The following CUX1 variants were observed in gnomAD, a reference collection of about 807,000 sequenced individuals.
CUX1 encodes the protein protein CASP.
CUX1 carries 31 observed loss-of-function variants against 158.8 expected under a neutral mutation model. The ratio of observed to expected loss-of-function variants is 0.20; its 90% confidence interval spans 0.15 to 0.26. CUX1 has a LOEUF of 0.26. CUX1 is among the 10% of genes least tolerant of loss of function. The pLI is 1.00. For synonymous variants in CUX1, 879 were observed against 862.1 expected, an observed-to-expected ratio of 1.02 and a Z score of -0.34; for missense variants, 1,589 against 2,014.6, an observed-to-expected ratio of 0.79 and a Z score of 4.04.
intron 1 of CUX1, among the ~76,000 whole-genome samples, chr7:101,881,483 G>A (rs557478161): frequency 9.9e-5 from 15 of 152,150 alleles, no homozygotes; most frequent in Non-Finnish European, 1.9e-4. Context: ...ATTCCTCCTC[G>A]CTGGCTCAGG....
chr7:102,112,755 G>A (rs1831067844), intron 7 of CUX1, among the ~76,000 whole-genome samples: 1 of 151,952 alleles, frequency 6.6e-6, no homozygotes. Context: ...GTTTTTAGTA[G>A]AGATGAGGTT....
At chr7:102,239,147 A>G (rs1355546003) in intron 22 of CUX1, among the ~76,000 whole-genome samples, 173 bp from the exon 23 acceptor site, 1 of 152,184 alleles carries the variant, frequency 6.6e-6, no homozygotes, top group Non-Finnish European at 1.5e-5. Flanking sequence ...TCGGCCTCCC[A>G]AAGTGCTTGG....
intron 7 of CUX1, 22 bp from the exon 8 acceptor site, chr7:102,115,181 ATAGT>A (rs1399924431): frequency 4.4e-6 from 7 of 1,596,502 alleles, no homozygotes; most frequent in East Asian, 2.2e-5. Flanking sequence ...TTTCATTTAA[ATAGT>A]TAGTAATTCT....
chr7:102,259,499 A>T (rs1271193335), downstream of CUX1, among the ~76,000 whole-genome samples: 1 of 151,936 alleles, frequency 6.6e-6, no homozygotes. Flanking sequence ...GAGGCAGGAG[A>T]ATTGCTTGAA....
At chr7:101,955,998 C>T (rs955635430) in intron 2 of CUX1, among the ~76,000 whole-genome samples, 4 of 151,860 alleles carry the variant, frequency 2.6e-5, no homozygotes, top group Non-Finnish European at 5.9e-5. Context: ...CTGGCTAACA[C>T]GGTGAAACCC....
intron 10 of CUX1, among the ~76,000 whole-genome samples, chr7:102,171,154 C>T (rs1270507863): frequency 6.6e-6 from 1 of 152,114 alleles, no homozygotes; most frequent in African/African-American, 2.4e-5. Context: ...TTTCCAGACT[C>T]TCTTTCAATG....
At chr7:101,848,091 A>G (rs1562923890) in intron 1 of CUX1, among the ~76,000 whole-genome samples, 1 of 151,200 alleles carries the variant, frequency 6.6e-6, no homozygotes. Flanking sequence ...GAAAAAATAA[A>G]CTGCTTTATA....
intron 6 of CUX1, among the ~76,000 whole-genome samples, chr7:102,106,149 G>A (rs150791755): frequency 0.062 from 7,931 of 128,596 alleles, 285 homozygotes; most frequent in Middle Eastern, 0.1. Context: ...GTGCAGTGTC[G>A]CAATCTTGGC....
At chr7:102,189,535 A>G (rs1563376575) in intron 11 of CUX1, among the ~76,000 whole-genome samples, 1 of 152,062 alleles carries the variant, frequency 6.6e-6, no homozygotes. Flanking sequence ...TGCTGGAATT[A>G]CAGGCGTGAG....
At chr7:101,832,877 A>G (rs1794214044) in intron 1 of CUX1, among the ~76,000 whole-genome samples, 1 of 151,886 alleles carries the variant, frequency 6.6e-6, no homozygotes, top group Admixed American at 6.6e-5. Context: ...TCCCCATCTT[A>G]CCAGGAGCAG....
At chr7:102,068,788 T>G (rs1244295546) in intron 3 of CUX1, among the ~76,000 whole-genome samples, 1 of 152,184 alleles carries the variant, frequency 6.6e-6, no homozygotes, top group Non-Finnish European at 1.5e-5. Context: ...AGTATGACAT[T>G]GGTACATGTG....
chr7:102,238,216 C>T (rs1469783483), intron 22 of CUX1, among the ~76,000 whole-genome samples: 5 of 141,502 alleles, frequency 3.5e-5, no homozygotes, highest in Admixed American at 6.8e-5. Context: ...CTCCCTTTCC[C>T]GGGATACTCC....
chr7:102,105,504 C>CT (rs781922611), intron 6 of CUX1, among the ~76,000 whole-genome samples: 22,995 of 85,626 alleles, frequency 0.27, 4,027 homozygotes, highest in African/African-American at 0.37. Flanking sequence ...CCATATAGAT[C>CT]TTTTTTTTTT....
chr7:102,049,019 C>T (rs537598936), intron 3 of CUX1, among the ~76,000 whole-genome samples: 1 of 152,234 alleles, frequency 6.6e-6, no homozygotes, highest in African/African-American at 2.4e-5. Flanking sequence ...CAGCGGTCAC[C>T]GAGATCCTTC....
downstream of CUX1, among the ~76,000 whole-genome samples, chr7:102,262,316 T>G (rs1313811051): frequency 7.2e-5 from 11 of 152,108 alleles, no homozygotes; most frequent in Admixed American, 7.2e-4. Flanking sequence ...GAGAATCGCT[T>G]GAACCCAGGA....
intron 20 of CUX1, among the ~76,000 whole-genome samples, chr7:102,219,953 C>T (rs1051588158): frequency 4.6e-5 from 7 of 152,330 alleles, no homozygotes; most frequent in South Asian, 2.1e-4. Context: ...AGGAGCCCAG[C>T]GTCGCTGCCA....
intron 4 of CUX1, among the ~76,000 whole-genome samples, chr7:102,074,738 T>G (rs1048041826): frequency 6.6e-6 from 1 of 152,244 alleles, no homozygotes; most frequent in Non-Finnish European, 1.5e-5. Context: ...GACTGCCGCC[T>G]GGACTTTCCC....
intron 6 of CUX1, among the ~76,000 whole-genome samples, chr7:102,110,935 A>G (rs1554489879): frequency 6.6e-6 from 1 of 152,196 alleles, no homozygotes; most frequent in African/African-American, 2.4e-5. Flanking sequence ...CTGAGTGTCC[A>G]TAATTGAAAT....
intron 8 of CUX1, among the ~76,000 whole-genome samples, chr7:102,150,870 G>A (rs1029499163): frequency 6.6e-6 from 1 of 152,234 alleles, no homozygotes; most frequent in South Asian, 2.1e-4. Context: ...TACCGGGCAG[G>A]TTAATAGATC....
Sources: allele counts gnomAD v4.1 joint callset (sites outside exome capture counted in the v4.1 genomes callset), GRCh38; gene constraint gnomAD v4.1.1; transcripts MANE v1.5; gene names NCBI Gene and HGNC (gene_info 2026-07-23, HGNC 2026-07-21).